The following OTUD3 variants were observed in gnomAD, a reference collection of about 807,000 sequenced individuals.
The protein encoded by OTUD3 is OTU domain-containing protein 3.
A neutral mutation model predicts 46.2 loss-of-function variants in OTUD3; 24 were observed. The ratio of observed to expected loss-of-function variants is 0.52; its 90% CI spans 0.38 to 0.73. The LOEUF (loss-of-function observed/expected upper bound fraction) is 0.73. Ranked by LOEUF, OTUD3 falls within the 30% of genes least tolerant of loss-of-function variation. OTUD3 has a pLI of 0.00. For missense variants in OTUD3, 455 were observed against 523.3 expected, an observed-to-expected ratio of 0.87 and a Z score of 1.27; for synonymous variants, 189 against 195.4, an observed-to-expected ratio of 0.97 and a Z score of 0.27.
chr1:19,897,735 C>G, intron 4 of OTUD3, 73 bp downstream of exon 4: 1 of 1,429,768 alleles, frequency 7.0e-7, no homozygotes, highest in Non-Finnish European at 9.4e-7. Context: ...ATATCTGGCG[C>G]TAAAAACCAG....
Position 19,911,320 on chromosome 1 carries a change from T to C in OTUD3, c.*3574T>C, listed in dbSNP as rs1338823969. The C allele has an allele frequency of 6.6e-6, 1 of 152,324 alleles. No homozygotes were observed. The highest frequency in any genetic ancestry group is 6.5e-5 in the Admixed American group (1 of 15,274). 9.4% of individuals were successfully genotyped at this position (152,324 alleles called of 1,614,324 possible). On this transcript the variant is annotated 3_prime_UTR_variant, in exon 8 of 8. Transcript: ENST00000375120. ...AGTGTTGCTAAAACTCCGGGGCCTT[T>C]GACAGTTGTTCTGAGGTGATTTAAT... is the stretch of plus-strand genomic sequence containing the variant.
At chr1:19,907,460 C>G in intron 7 of OTUD3, 110 bp from the exon 8 acceptor site, 2 of 983,448 alleles carry the variant, frequency 2.0e-6, no homozygotes. Flanking sequence ...ATTGGTTTTC[C>G]CTGTTCCTGC....
intron 3 of OTUD3, among the ~76,000 whole-genome samples, chr1:19,896,340 A>G (rs924297819): frequency 6.7e-6 from 1 of 148,364 alleles, no homozygotes; most frequent in Non-Finnish European, 1.5e-5. Flanking sequence ...CAATTTGGTG[A>G]ATATTCTTCC....
chr1:19,895,130 CACAT>C (rs779437568), intron 3 of OTUD3, among the ~76,000 whole-genome samples: 2 of 152,188 alleles, frequency 1.3e-5, no homozygotes, highest in East Asian at 3.8e-4. Flanking sequence ...ACTTTTAAAA[CACAT>C]ACACACATGT....
rs1201480400 is a variant in OTUD3 at position 19,909,461 on chromosome 1, C to T, written c.*1715C>T. 6.6e-6 allele frequency: 1 copy of T among 152,318 alleles called. No homozygotes were observed. Among genetic ancestry groups the T allele is most frequent in the Admixed American group, 6.5e-5 (1 of 15,278 alleles). The allele number at this position is 152,318 out of a possible 1,614,324, so 9.4% of individuals were successfully genotyped here. ...GTCCTGAGCTTGAGGCTGTGTTACTCTACTCATTCCAAACGAATGAAAGAT... is the reference window on the plus strand; with the variant it reads ...GTCCTGAGCTTGAGGCTGTGTTACTTTACTCATTCCAAACGAATGAAAGAT... On this transcript the variant is annotated 3_prime_UTR_variant, in exon 8 of 8. Transcript: ENST00000375120.
At chr1:19,900,916 GTT>G (rs990933093) in intron 4 of OTUD3, among the ~76,000 whole-genome samples, 1 of 115,664 alleles carries the variant, frequency 8.6e-6, no homozygotes, top group Non-Finnish European at 1.8e-5. Context: ...TTTTTTTTTT[GTT>G]TTTTTTTTTT....
chr1:19,896,144 T>C (rs2045514188), intron 3 of OTUD3, among the ~76,000 whole-genome samples: 1 of 152,174 alleles, frequency 6.6e-6, no homozygotes, highest in African/African-American at 2.4e-5. Context: ...CTGCATTGGT[T>C]GCTACTTTCA....
At position 19,912,650 on chromosome 1, in the gene OTUD3, C is replaced by T. The variant is rs549817673; in HGVS notation, c.*4904C>T. The T allele has an allele frequency of 9.8e-5, 15 of 152,488 alleles. No homozygotes were observed. In the South Asian group the frequency reaches 2.3e-3, roughly 23 times the overall value. The allele number at this position is 152,488 out of a possible 1,614,324, so 9.4% of individuals were successfully genotyped here. A position where few individuals can be genotyped will look rare whatever the true frequency, so the allele number is the denominator to read the frequency against. Reference sequence around the variant, plus strand: ...CCTCCATGGGGTCGTGATCCATAGACTTAGCAAGTCTTGCCTTATCTATGG... The same window carrying T: ...CCTCCATGGGGTCGTGATCCATAGATTTAGCAAGTCTTGCCTTATCTATGG... On this transcript the variant is annotated 3_prime_UTR_variant, in exon 8 of 8. Transcript: ENST00000375120.
chr1:19,902,649 A>G (rs2045606454), intron 4 of OTUD3, among the ~76,000 whole-genome samples: 1 of 151,740 alleles, frequency 6.6e-6, no homozygotes, highest in Non-Finnish European at 1.5e-5. Context: ...TGCCTTTTTG[A>G]GTTGTAAGAG....
intron 1 of OTUD3, among the ~76,000 whole-genome samples, chr1:19,886,796 GC>G (rs141142236): frequency 0.015 from 2,241 of 152,316 alleles, 25 homozygotes; most frequent in Non-Finnish European, 0.024. Context: ...GATTGAGTAG[GC>G]CTGGGTGGGC....
At chr1:19,888,845 T>G (rs1571162327) in intron 1 of OTUD3, among the ~76,000 whole-genome samples, 1 of 152,372 alleles carries the variant, frequency 6.6e-6, no homozygotes, top group East Asian at 1.9e-4. Flanking sequence ...TGTGTATGTG[T>G]ATAGTGTACA....
chr1:19,898,690 T>C (rs1458151168), intron 4 of OTUD3, among the ~76,000 whole-genome samples: 1 of 150,324 alleles, frequency 6.7e-6, no homozygotes, highest in East Asian at 2.0e-4. Flanking sequence ...ATAGCACCAT[T>C]GCACTCCAGC....
At chr1:19,900,326 G>C (rs906818339) in intron 4 of OTUD3, among the ~76,000 whole-genome samples, 3 of 151,952 alleles carry the variant, frequency 2.0e-5, no homozygotes, top group African/African-American at 4.8e-5. Flanking sequence ...GAGTAGCTGG[G>C]ACCACAGCTG....
chr1:19,903,946 G>A (rs942160637), intron 4 of OTUD3, among the ~76,000 whole-genome samples: 5 of 152,238 alleles, frequency 3.3e-5, no homozygotes, highest in Non-Finnish European at 7.3e-5. Flanking sequence ...TCACGGCTCT[G>A]AAAATCAGCT....
intron 1 of OTUD3, among the ~76,000 whole-genome samples, chr1:19,886,254 G>T (rs10799592): frequency 0.43 from 65,119 of 151,926 alleles, 14,602 homozygotes; most frequent in African/African-American, 0.55. Context: ...TATCTAGTTG[G>T]GTCTTACTAA....
chr1:19,910,794 T>C lies in OTUD3; in HGVS notation c.*3048T>C, dbSNP rs927068939. On this transcript the variant is annotated 3_prime_UTR_variant, in exon 8 of 8. Coordinates refer to ENST00000375120, the MANE Select transcript of OTUD3 (RefSeq NM_015207.2). Reference sequence around the variant, plus strand: ...GCCTGCCCTGCTTCCCCCAGGGAGCTGCTTCAGTGTGAAATGATGTGATTG... The same window carrying C: ...GCCTGCCCTGCTTCCCCCAGGGAGCCGCTTCAGTGTGAAATGATGTGATTG... The C allele has an allele frequency of 3.3e-5, 5 of 151,988 alleles. No homozygotes were observed. Among genetic ancestry groups the C allele is most frequent in the African/African-American group, 1.2e-4 (5 of 41,336 alleles). The allele number at this position is 151,988 out of a possible 1,614,324, so 9.4% of individuals were successfully genotyped here.
In OTUD3 at chr1:19,912,214, T is replaced by G. The variant is rs187788362; in HGVS notation, c.*4468T>G. The G allele has an allele frequency of 1.5e-3, 224 of 152,492 alleles. No homozygotes were observed. The highest frequency in any genetic ancestry group is 5.1e-3 in the African/African-American group (211 of 41,596). The allele number at this position is 152,492 out of a possible 1,614,324, so 9.4% of individuals were successfully genotyped here. ...ATTGCCGGACAGACTCTCTGTGGCC[T>G]GGCTCTCATCCTTGGCGTGTCAGCC... On this transcript the variant is annotated 3_prime_UTR_variant, in exon 8 of 8. Coordinates refer to ENST00000375120, the MANE Select transcript of OTUD3 (RefSeq NM_015207.2).
rs1261654191 is a variant in OTUD3, at chr1:19,909,362, C to G, written c.*1616C>G. 1 of 152,258 alleles carries G rather than the reference C, an allele frequency of 6.6e-6. No homozygotes were observed. The highest frequency in any genetic ancestry group is 2.4e-5 in the African/African-American group (1 of 41,406). The allele number at this position is 152,258 out of a possible 1,614,324, so 9.4% of individuals were successfully genotyped here. ...AGGACATTGTGGTTTAGGTTTCTTC[C>G]TGGGTACAGTACATTGTAAAATTTA... On this transcript the variant is annotated 3_prime_UTR_variant, in exon 8 of 8. Transcript: ENST00000375120.
At chr1:19,899,771 T>A (rs2045562088) in intron 4 of OTUD3, among the ~76,000 whole-genome samples, 1 of 152,264 alleles carries the variant, frequency 6.6e-6, no homozygotes, top group South Asian at 2.1e-4. Flanking sequence ...ACCAAATTTT[T>A]AAATCCTTTT....
Sources: gnomAD v4.1 joint callset for allele counts (sites outside exome capture counted in the v4.1 genomes callset) on GRCh38, gnomAD v4.1.1 for gene constraint, MANE v1.5 for transcripts, NCBI Gene and HGNC (gene_info 2026-07-23, HGNC 2026-07-21) for gene names.